The following LAMA2 variants were observed in gnomAD, a reference collection of about 807,000 sequenced individuals.
LAMA2 encodes laminin subunit alpha-2.
LAMA2 carries 269 observed loss-of-function variants against 364.8 expected under a neutral mutation model. The observed-to-expected ratio is 0.74, with a 90% CI of 0.67 to 0.82. The LOEUF (loss-of-function observed/expected upper bound fraction) is 0.82. Ranked by LOEUF, LAMA2 falls within the 40% of genes least tolerant of loss-of-function variation. The pLI, the probability that LAMA2 is intolerant of heterozygous loss-of-function variation, is 0.00. For synonymous variants in LAMA2, 1,379 were observed against 1,370.6 expected (o/e 1.01, Z -0.14); for missense variants, 3,807 against 3,873.2 (o/e 0.98, Z 0.45).
chr6:129,178,170 AC>A (rs1447770656), intron 10 of LAMA2, among the ~76,000 whole-genome samples: 2 of 152,220 alleles, frequency 1.3e-5, no homozygotes, highest in African/African-American at 4.8e-5. Flanking sequence ...AGAAATAGCA[AC>A]CCTTTAAAAC....
intron 40 of LAMA2, among the ~76,000 whole-genome samples, chr6:129,423,566 T>C (rs1477914996): frequency 6.6e-6 from 1 of 151,846 alleles, no homozygotes; most frequent in Non-Finnish European, 1.5e-5. Context: ...TAAAATGCTA[T>C]CTATTAAAAA....
At position 129,149,089 on chromosome 6, in the gene LAMA2, A is replaced by G; in HGVS notation, c.1020A>G (p.Glu340=). 6.4e-7 allele frequency: 1 copy of G among 1,566,038 alleles called. No individual in the cohort carries two copies. Among genetic ancestry groups the G allele is most frequent in the Non-Finnish European group, 8.8e-7 (1 of 1,136,256 alleles). Residue 340 remains glutamate (E), a synonymous_variant, in exon 7 of 65, where the codon GAA becomes GAG. Coordinates refer to ENST00000421865, the MANE Select transcript of LAMA2 (RefSeq NM_000426.4). ...CTGGAACTTTTCTAACTAAAACTGA[A>G]TGTGAAGGTATGTTCTTTAGAAGCC... The part of the protein sequence containing the change: ...WRAGTFLTKT[E]CEACNCHGKA...
chr6:129,017,322 T>C (rs1473449868), intron 1 of LAMA2, among the ~76,000 whole-genome samples: 1 of 152,050 alleles, frequency 6.6e-6, no homozygotes, highest in African/African-American at 2.4e-5. Flanking sequence ...TAATAAATGT[T>C]ACTGATATGG....
intron 31 of LAMA2, 57 bp from the exon 32 acceptor site, chr6:129,353,107 A>C: frequency 7.3e-7 from 1 of 1,364,774 alleles, no homozygotes; most frequent in East Asian, 2.3e-5. Context: ...CACACACAAC[A>C]ATGTGGAGAC....
At chr6:128,955,839 G>A (rs1781109217) in intron 1 of LAMA2, among the ~76,000 whole-genome samples, 1 of 151,898 alleles carries the variant, frequency 6.6e-6, no homozygotes, top group African/African-American at 2.4e-5. Context: ...CATTTTAAAT[G>A]CCTCCATTTT....
intron 51 of LAMA2, among the ~76,000 whole-genome samples, chr6:129,467,218 C>G (rs1783586128): frequency 6.6e-6 from 1 of 151,808 alleles, no homozygotes; most frequent in South Asian, 2.1e-4. Context: ...AGGAATGGAC[C>G]TGGAGGTCAT....
chr6:129,507,710 C>T, intron 62 of LAMA2, 68 bp downstream of exon 62: 1 of 1,472,412 alleles, frequency 6.8e-7, no homozygotes, highest in Non-Finnish European at 9.5e-7. Flanking sequence ...TTGCTAGTAC[C>T]AAATAATAAA....
At chr6:128,934,709 A>G (rs879434745) in intron 1 of LAMA2, among the ~76,000 whole-genome samples, 1 of 152,034 alleles carries the variant, frequency 6.6e-6, no homozygotes, top group South Asian at 2.1e-4. Context: ...GGGTTTTGCT[A>G]TGTTGGACAG....
At chr6:129,141,387 A>T (rs1232695372) in intron 4 of LAMA2, among the ~76,000 whole-genome samples, 1 of 152,078 alleles carries the variant, frequency 6.6e-6, no homozygotes, top group South Asian at 2.1e-4. Context: ...TCACTCTTTT[A>T]GAATCCCTGC....
chr6:129,376,485 C>A (rs1304422900), intron 34 of LAMA2, among the ~76,000 whole-genome samples: 2 of 152,156 alleles, frequency 1.3e-5, no homozygotes, highest in African/African-American at 4.8e-5. Flanking sequence ...AATGTGAATA[C>A]GTCATCGCAG....
intron 32 of LAMA2, among the ~76,000 whole-genome samples, chr6:129,358,097 C>T (rs929316059): frequency 1.1e-4 from 16 of 152,014 alleles, no homozygotes; most frequent in Non-Finnish European, 2.1e-4. Flanking sequence ...TGTTCACATC[C>T]AGGTGTTAGG....
intron 4 of LAMA2, among the ~76,000 whole-genome samples, chr6:129,113,863 G>A (rs899862179): frequency 6.6e-6 from 1 of 151,896 alleles, no homozygotes; most frequent in Non-Finnish European, 1.5e-5. Context: ...CTGTTCCATG[G>A]TAAGGCCCTA....
intron 17 of LAMA2, among the ~76,000 whole-genome samples, chr6:129,273,124 G>A (rs768974437): frequency 6.6e-6 from 1 of 152,130 alleles, no homozygotes; most frequent in Non-Finnish European, 1.5e-5. Context: ...ATTACTATAG[G>A]AGAACAAATG....
intron 4 of LAMA2, among the ~76,000 whole-genome samples, chr6:129,103,321 T>G (rs1775622496): frequency 1.3e-5 from 2 of 152,248 alleles, no homozygotes; most frequent in Admixed American, 6.5e-5. Flanking sequence ...ATGTTAAGTT[T>G]ACACACATGT....
chr6:129,261,688 T>C (rs1787145912), intron 15 of LAMA2, among the ~76,000 whole-genome samples: 1 of 152,130 alleles, frequency 6.6e-6, no homozygotes, highest in African/African-American at 2.4e-5. Context: ...AGAAATACTC[T>C]AGGCATTGCT....
chr6:129,156,444 A>G (rs978020208), intron 8 of LAMA2, among the ~76,000 whole-genome samples: 6 of 151,918 alleles, frequency 3.9e-5, no homozygotes, highest in Admixed American at 3.3e-4. Context: ...AAAAATTTTT[A>G]AATAATTTTC....
At chr6:129,270,138 A>G (rs1050952801) in intron 16 of LAMA2, among the ~76,000 whole-genome samples, 1 of 152,084 alleles carries the variant, frequency 6.6e-6, no homozygotes, top group Non-Finnish European at 1.5e-5. Flanking sequence ...CTAAGAGGCC[A>G]TAGCCCCGGA....
Position 129,516,179 on chromosome 6 carries a change from G to T in LAMA2, c.9212-11G>T. On this transcript the variant is annotated splice_polypyrimidine_tract_variant and intron_variant, in intron 64 of 64. Transcript: ENST00000421865. ...TTTCAAAGCTGAGCCCTCTTGCATTGCCTTTTTCAGATGACCTCAAGCAGT... is the reference window on the plus strand; with the variant it reads ...TTTCAAAGCTGAGCCCTCTTGCATTTCCTTTTTCAGATGACCTCAAGCAGT... 6.2e-7 allele frequency: 1 copy of T among 1,613,958 alleles called. No individual in the cohort carries two copies.
chr6:129,088,590 G>A (rs1009375537), intron 3 of LAMA2, among the ~76,000 whole-genome samples: 5 of 151,254 alleles, frequency 3.3e-5, no homozygotes, highest in African/African-American at 7.3e-5. Context: ...CCTCCCTCCC[G>A]GACGGGGTGG....
Sources: gnomAD v4.1 joint callset for allele counts (sites outside exome capture counted in the v4.1 genomes callset) on GRCh38, gnomAD v4.1.1 for gene constraint, MANE v1.5 for transcripts, NCBI Gene and HGNC (gene_info 2026-07-23, HGNC 2026-07-21) for gene names.